Variants in FAM174C observed in about 807,000 individuals in gnomAD.
FAM174C encodes the protein family with sequence similarity 174 member C.
In FAM174C, 19 loss-of-function variants were observed where a neutral mutation model predicts 12.3. The ratio of observed to expected loss-of-function variants is 1.55; its 90% CI spans 1.08 to 2.27. The LOEUF (loss-of-function observed/expected upper bound fraction) is 2.27. FAM174C is among the 30% of genes most tolerant of loss of function. The pLI, the probability that FAM174C is intolerant of heterozygous loss-of-function variation, is 0.00. For missense variants in FAM174C, 239 were observed against 190.2 expected, an observed-to-expected ratio of 1.26 and a Z score of -1.51; for synonymous variants, 147 against 103.5, an observed-to-expected ratio of 1.42 and a Z score of -2.55.
In FAM174C at chr19:1,275,617, C is replaced by T. The variant is rs1329564906; in HGVS notation, c.68C>T (p.Pro23Leu). 6.2e-6 allele frequency: 8 copies of T among 1,283,144 alleles called. No individual in the cohort carries two copies. The highest frequency in any genetic ancestry group is 3.2e-5 in the East Asian group (1 of 31,354). The allele number at this position is 1,283,144 out of a possible 1,614,324, so 79.5% of individuals were successfully genotyped here. A position where few individuals can be genotyped will look rare whatever the true frequency, so the allele number is the denominator to read the frequency against. ...LLLALLLAAL[P>L]CGAEEASPLR... ...CTGGCGCTGCTGCTGGCGGCGCTGCCGTGCGGTGCCGAAGAGGCCTCGCCG... is the reference window on the plus strand; with the variant it reads ...CTGGCGCTGCTGCTGGCGGCGCTGCTGTGCGGTGCCGAAGAGGCCTCGCCG... The change falls in exon 1 of 3, where the codon CCG (proline) becomes CTG (leucine). Residue 23 changes from proline to leucine, a missense_variant. Transcript: ENST00000409293.
Position 1,279,165 on chromosome 19 carries a change from A to C in FAM174C, c.*388A>C. On this transcript the variant is annotated 3_prime_UTR_variant, in exon 3 of 3. Coordinates refer to ENST00000409293, the MANE Select transcript of FAM174C (RefSeq NM_017914.4). ...CAAGGCTGGGTGGGCAGGTGACCCA[A>C]GGAACCTTTCTGGGAACACCTTCTC... 1 of 1,612,964 alleles carries C rather than the reference A, an allele frequency of 6.2e-7. No homozygotes were observed. Among genetic ancestry groups the C allele is most frequent in the African/African-American group, 1.3e-5 (1 of 75,060 alleles).
At position 1,278,798 on chromosome 19, in the gene FAM174C, C is replaced by T. The variant is rs372698459; in HGVS notation, c.*21C>T. 27 of 1,612,796 alleles carry T rather than the reference C, an allele frequency of 1.7e-5. No homozygotes were observed. The Middle Eastern group carries it at 4.9e-4, about 30-fold the overall frequency. ...TCAGATGCTGAGCCAGGGAGGCGGC[C>T]CTTCCAGCAGCCATGAGGGAAGGAC... On this transcript the variant is annotated 3_prime_UTR_variant, in exon 3 of 3. Transcript: ENST00000409293.
intron 1 of FAM174C, chr19:1,276,185 G>T: frequency 7.0e-6 from 2 of 284,980 alleles, no homozygotes; most frequent in Non-Finnish European, 1.3e-5. Flanking sequence ...CCTTGTCGCC[G>T]GATGCCCGTC....
intron 2 of FAM174C, among the ~76,000 whole-genome samples, chr19:1,278,430 G>A (rs1370042497): frequency 1.3e-5 from 2 of 152,230 alleles, no homozygotes; most frequent in Admixed American, 6.5e-5. Flanking sequence ...TTGGGGGGTG[G>A]CAGGCATGGA....
At chr19:1,276,308 C>T (rs2081414762) in intron 1 of FAM174C, 1 of 168,876 alleles carries the variant, frequency 5.9e-6, no homozygotes, top group African/African-American at 2.4e-5. Flanking sequence ...ACGTGCCCGC[C>T]TTGGGTGCTC....
intron 2 of FAM174C, 117 bp from the exon 3 acceptor site, chr19:1,278,660 C>G (rs2081426219): frequency 6.6e-6 from 10 of 1,524,972 alleles, no homozygotes; most frequent in Admixed American, 2.0e-5. Flanking sequence ...GAGGCTGGGC[C>G]CTGGTAGACC....
At position 1,275,807 on chromosome 19, in the gene FAM174C, C is replaced by T. The variant is rs1171367707; in HGVS notation, c.258C>T (p.Leu86=). Residue 86 remains leucine (L), a synonymous_variant, in exon 1 of 3, where the codon CTC becomes CTT. Coordinates refer to ENST00000409293, the MANE Select transcript of FAM174C (RefSeq NM_017914.4). ...TGGGCTTCTGCGGCCTGACCGCGCT[C>T]TACTTCCTGATCCGGGCGTTTAGGT... ...VILGFCGLTA[L]YFLIRAFRLK... 2.2e-5 allele frequency: 34 copies of T among 1,538,000 alleles called. No individual in the cohort carries two copies. The highest frequency in any genetic ancestry group is 3.0e-5 in the Non-Finnish European group (34 of 1,146,310).
chr19:1,278,744 C>T (rs776845702), intron 2 of FAM174C, 33 bp from the exon 3 acceptor site: 10 of 1,610,900 alleles, frequency 6.2e-6, no homozygotes, highest in Non-Finnish European at 8.5e-6. Context: ...GCCCTTCACT[C>T]CTTCCCTCTC....
chr19:1,278,081 C>T (rs1450673617), intron 2 of FAM174C, among the ~76,000 whole-genome samples: 1 of 152,212 alleles, frequency 6.6e-6, no homozygotes. Flanking sequence ...AGCCTTCTTG[C>T]TTTTTTAAGG....
Position 1,279,098 on chromosome 19 carries a change from G to A in FAM174C, c.*321G>A. On this transcript the variant is annotated 3_prime_UTR_variant, in exon 3 of 3. Coordinates refer to ENST00000409293, the MANE Select transcript of FAM174C (RefSeq NM_017914.4). Reference sequence around the variant, plus strand: ...AGGCTCCCTTGCCTGACTGTGACTTGTGCCTCTCTCCTGCCCCCGTGGGGA... The same window carrying A: ...AGGCTCCCTTGCCTGACTGTGACTTATGCCTCTCTCCTGCCCCCGTGGGGA... The A allele has an allele frequency of 6.2e-7, 1 of 1,612,756 alleles. No homozygotes were observed. Among genetic ancestry groups the A allele is most frequent in the Non-Finnish European group, 8.5e-7 (1 of 1,179,998 alleles).
At position 1,275,792 on chromosome 19, in the gene FAM174C, C is replaced by T. The variant is rs2081410321; in HGVS notation, c.243C>T (p.Cys81=). ...TRSFYVILGF[C]GLTALYFLIR... is the part of the protein sequence containing the mutation. ...CCTTCTACGTGATCCTGGGCTTCTG[C>T]GGCCTGACCGCGCTCTACTTCCTGA... The change falls in exon 1 of 3, where the codon TGC becomes TGT. Residue 81 remains cysteine, a synonymous_variant. Coordinates refer to ENST00000409293, the MANE Select transcript of FAM174C (RefSeq NM_017914.4). 9.1e-6 allele frequency: 14 copies of T among 1,538,782 alleles called. No homozygotes were observed. Among genetic ancestry groups the T allele is most frequent in the South Asian group, 1.2e-5 (1 of 84,052 alleles).
In FAM174C at chr19:1,275,715, A is replaced by G. The variant is rs1312475768; in HGVS notation, c.166A>G (p.Asn56Asp). 14 of 1,529,378 alleles carry G rather than the reference A, an allele frequency of 9.2e-6. No homozygotes were observed. The East Asian group carries it at 3.3e-4, about 36-fold the overall frequency. The allele number at this position is 1,529,378 out of a possible 1,614,324, so 94.7% of individuals were successfully genotyped here. The change falls in exon 1 of 3, where the codon AAC (asparagine) becomes GAC (aspartate). Residue 56 changes from asparagine (N) to aspartate (D), a missense_variant. By Grantham distance (23) the Asn-to-Asp change is conservative (BLOSUM62 1). Coordinates refer to ENST00000409293, the MANE Select transcript of FAM174C (RefSeq NM_017914.4). ...TNGSQPGAPH[N>D]STHTRPPGAS... The stretch of plus-strand genomic sequence containing the variant: ...CGGGAGCCAGCCGGGCGCGCCACAC[A>G]ACAGCACGCACACGCGTCCGCCGGG...
intron 1 of FAM174C, 78 bp downstream of exon 1, chr19:1,275,908 C>CG (rs555159975): frequency 1.7e-5 from 23 of 1,367,130 alleles, no homozygotes; most frequent in Admixed American, 4.1e-5. Context: ...TGCCGGGCCG[C>CG]GGGGTCCTCC....
At chr19:1,275,977 CG>C (rs2081412580) in intron 1 of FAM174C, 147 bp downstream of exon 1, 1 of 759,024 alleles carries the variant, frequency 1.3e-6, no homozygotes, top group South Asian at 1.8e-5. Flanking sequence ...CGGTGCTGTG[CG>C]GGGTCGTCAC....
intron 2 of FAM174C, among the ~76,000 whole-genome samples, chr19:1,278,539 C>T (rs1157288583): frequency 6.6e-6 from 1 of 152,072 alleles, no homozygotes; most frequent in South Asian, 2.1e-4. Context: ...TGCTCTGACT[C>T]CATTCTGGGA....
In FAM174C at chr19:1,275,927, C is replaced by CCTCCCTCCCTCCCTCT. The variant is rs971136377; in HGVS notation, c.281+104_281+119dup. The stretch of plus-strand genomic sequence containing the variant: ...GGGCCGCGGGGTCCTCCCCTCCCTC[C>CCTCCCTCCCTCCCTCT]CTCCCTCCCTCCCTCTCTCCCTGTT... On this transcript the variant is annotated intron_variant, in intron 1 of 2. Coordinates refer to ENST00000409293, the MANE Select transcript of FAM174C (RefSeq NM_017914.4). 1,078 of 944,962 alleles carry CCTCCCTCCCTCCCTCT rather than the reference C, an allele frequency of 1.1e-3. 2 individuals are homozygous for CCTCCCTCCCTCCCTCT. Among genetic ancestry groups the CCTCCCTCCCTCCCTCT allele is most frequent in the African/African-American group, 1.5e-3 (86 of 58,882 alleles). 58.5% of individuals were successfully genotyped at this position (944,962 alleles called of 1,614,324 possible). A position where few individuals can be genotyped will look rare whatever the true frequency, so the allele number is the denominator to read the frequency against.
In FAM174C at chr19:1,275,663, G is replaced by T. The variant is rs1357621358; in HGVS notation, c.114G>T (p.Thr38=). The change falls in exon 1 of 3, where the codon ACG becomes ACT. Residue 38 remains threonine, a synonymous_variant. Transcript: ENST00000409293. ...EASPLRPAQV[T]LSPPPAVTNG... ...CGCCGCTGCGCCCCGCGCAGGTCACGTTGTCGCCGCCGCCGGCCGTGACGA... is the reference window on the plus strand; with the variant it reads ...CGCCGCTGCGCCCCGCGCAGGTCACTTTGTCGCCGCCGCCGGCCGTGACGA... 2.1e-6 allele frequency: 3 copies of T among 1,429,696 alleles called. No homozygotes were observed. Among genetic ancestry groups the T allele is most frequent in the South Asian group, 2.9e-5 (2 of 68,036 alleles). 88.6% of individuals were successfully genotyped at this position (1,429,696 alleles called of 1,614,324 possible). A position where few individuals can be genotyped will look rare whatever the true frequency, so the allele number is the denominator to read the frequency against.
Position 1,275,716 on chromosome 19 carries a change from A to C in FAM174C, c.167A>C (p.Asn56Thr). Residue 56 changes from asparagine (N) to threonine (T), a missense_variant, in exon 1 of 3, where the codon AAC becomes ACC. Coordinates refer to ENST00000409293, the MANE Select transcript of FAM174C (RefSeq NM_017914.4). ...GGGAGCCAGCCGGGCGCGCCACACA[A>C]CAGCACGCACACGCGTCCGCCGGGG... is the stretch of plus-strand genomic sequence containing the variant. ...TNGSQPGAPH[N>T]STHTRPPGAS... The C allele has an allele frequency of 1.3e-6, 2 of 1,529,962 alleles. No homozygotes were observed. The highest frequency in any genetic ancestry group is 1.7e-6 in the Non-Finnish European group (2 of 1,142,968). 94.8% of individuals were successfully genotyped at this position (1,529,962 alleles called of 1,614,324 possible). A position where few individuals can be genotyped will look rare whatever the true frequency, so the allele number is the denominator to read the frequency against.
rs1460552916 is a variant in FAM174C, at chr19:1,275,812, T to G, written c.263T>G (p.Phe88Cys). ...TTCTGCGGCCTGACCGCGCTCTACT[T>G]CCTGATCCGGGCGTTTAGGTGCGTC... The part of the protein sequence containing the change: ...LGFCGLTALY[F>C]LIRAFRLKKP... The change falls in exon 1 of 3, where the codon TTC becomes TGC. Residue 88 changes from phenylalanine (F) to cysteine (C), a missense_variant. Transcript: ENST00000409293. 1 of 1,537,606 alleles carries G rather than the reference T, an allele frequency of 6.5e-7. No individual in the cohort carries two copies. The highest frequency in any genetic ancestry group is 8.7e-7 in the Non-Finnish European group (1 of 1,146,240).
Sources: allele counts gnomAD v4.1 joint callset (sites outside exome capture counted in the v4.1 genomes callset), GRCh38; gene constraint gnomAD v4.1.1; transcripts MANE v1.5; gene names NCBI Gene and HGNC (gene_info 2026-07-23, HGNC 2026-07-21).